PILRB: variants seen among roughly 807,000 people sequenced by gnomAD.
PILRB encodes paired immunoglobulin-like type 2 receptor beta.
A neutral mutation model predicts 20.5 loss-of-function variants in PILRB; 21 were observed. That is an observed-to-expected ratio of 1.02 (90% confidence interval 0.72 to 1.47). The LOEUF (loss-of-function observed/expected upper bound fraction) is 1.47, where lower values mean the gene tolerates loss of function less well. Ranked by LOEUF, PILRB falls within the 40% of genes most tolerant of loss-of-function variation. PILRB has a pLI of 0.00. For missense variants in PILRB, 253 were observed against 272.1 expected (o/e 0.93, Z 0.49); for synonymous variants, 133 against 115.1 (o/e 1.16, Z -0.99).
chr7:100,365,124 C>T lies in PILRB; in HGVS notation c.656-2225C>T, dbSNP rs1372263800. 2.6e-5 allele frequency among the ~76,000 whole-genome samples: 4 copies of T among 152,144 alleles called. 1 individual carries two copies. The highest frequency in any genetic ancestry group is 2.1e-4 in the South Asian group (1 of 4,834). ...AAGGGATTCTCTTGGCTCAGCCTCC[C>T]GAGTAGCTGGGATCACAGGTGTGTG... On this transcript the variant is annotated intron_variant, in intron 3 of 3. Coordinates refer to ENST00000609309, the MANE Select transcript of PILRB (RefSeq NM_178238.4).
At position 100,367,764 on chromosome 7, in the gene PILRB, A is replaced by G. The variant is rs550536225; in HGVS notation, c.*387A>G. The stretch of plus-strand genomic sequence containing the variant: ...CTTTTCTCCTCGTCCACATTTTCCA[A>G]TCTGTATGGTGGCTGTCTTCTATGG... On this transcript the variant is annotated 3_prime_UTR_variant, in exon 4 of 4. Transcript: ENST00000609309. 1.2e-3 allele frequency: 247 copies of G among 202,504 alleles called. 2 individuals carry two copies. Among genetic ancestry groups the G allele is most frequent in the African/African-American group, 5.3e-3 (230 of 43,292 alleles). 12.5% of individuals were successfully genotyped at this position (202,504 alleles called of 1,614,324 possible). A position where few individuals can be genotyped will look rare whatever the true frequency, so the allele number is the denominator to read the frequency against.
At chr7:100,367,067 C>T (rs573560689) in intron 3 of PILRB, among the ~76,000 whole-genome samples, 1 of 152,218 alleles carries the variant, frequency 6.6e-6, no homozygotes, top group East Asian at 1.9e-4. Context: ...GGATGCCACC[C>T]TGACTCACTG....
At chr7:100,358,649 G>A in intron 1 of PILRB, 41 bp from the exon 2 acceptor site, 1 of 1,600,918 alleles carries the variant, frequency 6.2e-7, no homozygotes, top group Admixed American at 1.7e-5. Flanking sequence ...TCCTGAGGTG[G>A]TTTCAAGGTC....
chr7:100,366,355 T>C (rs1584202781), intron 3 of PILRB, among the ~76,000 whole-genome samples: 1 of 151,874 alleles, frequency 6.6e-6, no homozygotes, highest in Non-Finnish European at 1.5e-5. Context: ...AAAAAACCTG[T>C]AGAAGTGGAA....
rs548223091 is a variant in PILRB, at chr7:100,358,244, C to T, written c.-59C>T. On this transcript the variant is annotated 5_prime_UTR_variant, in exon 1 of 4. Transcript: ENST00000609309. ...GCCCTCAGGCAGCCCCTCCACAGGG[C>T]CCCTCTCCTGCCTGGACAGCTCTGC... is the stretch of plus-strand genomic sequence containing the variant. The T allele has an allele frequency of 1.2e-4, 194 of 1,599,800 alleles. 6 individuals carry two copies. Among genetic ancestry groups the T allele is most frequent in the South Asian group, 1.0e-3 (91 of 90,812 alleles).
At chr7:100,360,370 A>T (rs1457098743) in intron 3 of PILRB, among the ~76,000 whole-genome samples, 3 of 147,286 alleles carry the variant, frequency 2.0e-5, no homozygotes, top group Admixed American at 2.0e-4. Context: ...CAAGGGTGGG[A>T]GGAGAGAGAG....
At chr7:100,359,288 A>G in intron 2 of PILRB, 49 bp from the exon 3 acceptor site, 4 of 1,595,604 alleles carry the variant, frequency 2.5e-6, no homozygotes, top group Non-Finnish European at 3.4e-6. Flanking sequence ...TTTCATCCAG[A>G]CGCCCCACAC....
intron 3 of PILRB, among the ~76,000 whole-genome samples, chr7:100,361,753 C>T (rs984919988): frequency 5.3e-5 from 8 of 152,088 alleles, no homozygotes; most frequent in African/African-American, 1.9e-4. Context: ...TATGAAAGCA[C>T]AGAGGGGAGG....
intron 3 of PILRB, among the ~76,000 whole-genome samples, chr7:100,361,248 T>C (rs1459312117): frequency 6.6e-6 from 1 of 152,144 alleles, no homozygotes; most frequent in Non-Finnish European, 1.5e-5. Flanking sequence ...TTGGAATCTG[T>C]TATACGGGAG....
intron 2 of PILRB, 28 bp from the exon 3 acceptor site, chr7:100,359,309 G>T: frequency 6.2e-7 from 1 of 1,611,910 alleles, no homozygotes; most frequent in Non-Finnish European, 8.5e-7. Flanking sequence ...CCCCAGAAGA[G>T]GGTCTGCTCA....
Position 100,359,361 on chromosome 7 carries a change from G to A in PILRB, c.479G>A (p.Arg160Lys). Residue 160 changes from arginine to lysine, a missense_variant, in exon 3 of 4, where the codon AGG (arginine) becomes AAG (lysine). By Grantham distance (26) the Arg-to-Lys change is conservative. Transcript: ENST00000609309. ...GCTGTCACAACCACCACCACCTGGA[G>A]GCCCAGCAGCACAACCACCATAGCC... Reference protein sequence around the residue: ...TQAVTTTTTWRPSSTTTIAGL... With the variant: ...TQAVTTTTTWKPSSTTTIAGL... The A allele has an allele frequency of 2.5e-6, 4 of 1,614,070 alleles. No homozygotes were observed. Among genetic ancestry groups the A allele is most frequent in the Non-Finnish European group, 3.4e-6 (4 of 1,180,010 alleles).
chr7:100,359,272 C>G (rs951611818), intron 2 of PILRB, 65 bp from the exon 3 acceptor site: 3 of 1,562,860 alleles, frequency 1.9e-6, no homozygotes, highest in Non-Finnish European at 2.6e-6. Flanking sequence ...AGCAGCACAC[C>G]ATGCCTTTCA....
intron 3 of PILRB, among the ~76,000 whole-genome samples, chr7:100,364,032 C>T (rs1274766759): frequency 1.3e-5 from 2 of 151,010 alleles, no homozygotes; most frequent in Non-Finnish European, 2.9e-5. Context: ...CACTTGAACC[C>T]GGGAGGCAGA....
chr7:100,358,201 C>T lies in PILRB; in HGVS notation c.-102C>T, dbSNP rs772844368. On this transcript the variant is annotated 5_prime_UTR_variant, in exon 1 of 4. Transcript: ENST00000609309. The stretch of plus-strand genomic sequence containing the variant: ...AGCCCTCTGGGGAGCCTCACCCTGG[C>T]TCTCCCCACTCACCTCAGCCCTCAG... 2.1e-6 allele frequency: 3 copies of T among 1,400,018 alleles called. No homozygotes were observed. In the South Asian group the frequency reaches 3.5e-5, roughly 16 times the overall value. 86.7% of individuals were successfully genotyped at this position (1,400,018 alleles called of 1,614,324 possible).
chr7:100,366,232 G>A (rs1283550106), intron 3 of PILRB, among the ~76,000 whole-genome samples: 1 of 152,142 alleles, frequency 6.6e-6, no homozygotes, highest in Admixed American at 6.5e-5. Flanking sequence ...GATTATCACC[G>A]CGTGAGCCAC....
intron 3 of PILRB, among the ~76,000 whole-genome samples, chr7:100,365,499 G>T (rs1365037656): frequency 6.6e-6 from 1 of 152,174 alleles, no homozygotes; most frequent in Non-Finnish European, 1.5e-5. Flanking sequence ...TGAGAATGGA[G>T]AGTTAATATT....
Position 100,358,948 on chromosome 7 carries a change from G to C in PILRB, c.323G>C (p.Gly108Ala). The change falls in exon 2 of 4, where the codon GGC becomes GCC. Residue 108 changes from glycine (G) to alanine (A), a missense_variant. Coordinates refer to ENST00000609309, the MANE Select transcript of PILRB (RefSeq NM_178238.4). ...FLNWTEGQES[G>A]FLRISNLRKE... ...AACTGGACAGAGGGTCAGGAGAGCG[G>C]CTTCCTCAGGATCTCAAACCTGCGG... is the stretch of plus-strand genomic sequence containing the variant. 2.5e-6 allele frequency: 4 copies of C among 1,614,138 alleles called. No individual in the cohort carries two copies. Among genetic ancestry groups the C allele is most frequent in the Non-Finnish European group, 3.4e-6 (4 of 1,180,034 alleles).
intron 3 of PILRB, among the ~76,000 whole-genome samples, chr7:100,366,293 A>C (rs984306712): frequency 1.3e-5 from 2 of 152,136 alleles, no homozygotes; most frequent in African/African-American, 4.8e-5. Flanking sequence ...GCAATATGAA[A>C]ATGATACTAG....
intron 3 of PILRB, among the ~76,000 whole-genome samples, chr7:100,360,975 G>A (rs202091688): frequency 2.7e-4 from 41 of 152,098 alleles, no homozygotes; most frequent in African/African-American, 9.2e-4. Flanking sequence ...TTGTTCTGTC[G>A]CCCAGGCTGG....
Sources: allele counts gnomAD v4.1 joint callset (sites outside exome capture counted in the v4.1 genomes callset), GRCh38; gene constraint gnomAD v4.1.1; transcripts MANE v1.5; gene names NCBI Gene and HGNC (gene_info 2026-07-23, HGNC 2026-07-21).